PDE10A: variants seen among roughly 807,000 people sequenced by gnomAD.
PDE10A encodes phosphodiesterase 10A, also known as cAMP and cAMP-inhibited cGMP 3',5'-cyclic phosphodiesterase 10A.
Under a neutral mutation model 97.7 loss-of-function variants are expected in PDE10A, and 39 were observed. That is an observed-to-expected ratio of 0.40 (90% CI 0.31 to 0.52). The LOEUF (loss-of-function observed/expected upper bound fraction) is 0.52. Ranked by LOEUF, PDE10A falls within the 20% of genes least tolerant of loss-of-function variation. The pLI, the probability that PDE10A is intolerant of heterozygous loss-of-function variation, is 0.56. For synonymous variants in PDE10A, 371 were observed against 376.8 expected, an observed-to-expected ratio of 0.98 and a Z score of 0.18; for missense variants, 731 against 1,047.8, an observed-to-expected ratio of 0.70 and a Z score of 4.17.
intron 1 of PDE10A, among the ~76,000 whole-genome samples, chr6:165,797,404 G>A (rs12526226): frequency 0.22 from 34,072 of 152,058 alleles, 3,995 homozygotes; most frequent in African/African-American, 0.29. Flanking sequence ...CTACATATAC[G>A]AGTGTGGATT....
At chr6:165,793,752 C>A (rs1423648320) in intron 1 of PDE10A, among the ~76,000 whole-genome samples, 2 of 152,298 alleles carry the variant, frequency 1.3e-5, no homozygotes, top group South Asian at 2.1e-4. Context: ...TTGCCTTCGG[C>A]TTGTAGTTCT....
chr6:165,400,235 C>A (rs1462306898), intron 13 of PDE10A, among the ~76,000 whole-genome samples: 6 of 150,920 alleles, frequency 4.0e-5, no homozygotes, highest in African/African-American at 1.5e-4. Context: ...TATAAAACTT[C>A]TAGAAAAAAA....
At chr6:165,474,731 C>T (rs545356596) in intron 3 of PDE10A, among the ~76,000 whole-genome samples, 22 of 151,910 alleles carry the variant, frequency 1.4e-4, no homozygotes, top group African/African-American at 3.4e-4. Context: ...GGTTCTAATT[C>T]CACTCTTAGT....
At chr6:165,745,913 G>T (rs976915357) in intron 1 of PDE10A, among the ~76,000 whole-genome samples, 1 of 152,234 alleles carries the variant, frequency 6.6e-6, no homozygotes, top group Non-Finnish European at 1.5e-5. Flanking sequence ...CACGATTGGG[G>T]TGTGTGTCAT....
chr6:165,801,388 C>T (rs980522404), intron 1 of PDE10A, among the ~76,000 whole-genome samples: 5 of 152,086 alleles, frequency 3.3e-5, no homozygotes, highest in Non-Finnish European at 7.4e-5. Context: ...CTGCTAAAAA[C>T]ACAAAAATTA....
intron 1 of PDE10A, among the ~76,000 whole-genome samples, chr6:165,882,312 C>G (rs1781504516): frequency 6.6e-6 from 1 of 152,154 alleles, no homozygotes; most frequent in Non-Finnish European, 1.5e-5. Flanking sequence ...TCTGTACTTT[C>G]CTAAACCTGG....
At chr6:165,834,366 A>T (rs1780013363) in intron 1 of PDE10A, among the ~76,000 whole-genome samples, 1 of 152,242 alleles carries the variant, frequency 6.6e-6, no homozygotes, top group Admixed American at 6.5e-5. Context: ...AAGCAAGCAC[A>T]GAGGAGAAAT....
intron 6 of PDE10A, 119 bp downstream of exon 6, chr6:165,435,118 C>T (rs1439147678): frequency 2.0e-6 from 2 of 977,420 alleles, no homozygotes; most frequent in South Asian, 1.7e-5. Flanking sequence ...TGATCTGTAA[C>T]TAGCTTTAAT....
At chr6:165,659,055 C>G (rs893090656) in intron 1 of PDE10A, among the ~76,000 whole-genome samples, 6 of 152,126 alleles carry the variant, frequency 3.9e-5, no homozygotes, top group Admixed American at 6.5e-5. Flanking sequence ...GTAGCTCTTA[C>G]TAAGTGTTGT....
intron 1 of PDE10A, among the ~76,000 whole-genome samples, chr6:165,910,237 C>T (rs190384046): frequency 8.3e-4 from 127 of 152,210 alleles, no homozygotes; most frequent in Admixed American, 1.3e-3. Context: ...CTCAAGAGAG[C>T]GCTAAGGCTT....
intron 1 of PDE10A, among the ~76,000 whole-genome samples, chr6:165,616,643 C>T (rs1377376985): frequency 3.9e-5 from 6 of 152,208 alleles, no homozygotes; most frequent in Admixed American, 2.0e-4. Flanking sequence ...ATTATATATC[C>T]GCTGAGTTTC....
intron 1 of PDE10A, among the ~76,000 whole-genome samples, chr6:165,632,287 A>C (rs540231210): frequency 2.6e-5 from 4 of 152,062 alleles, no homozygotes; most frequent in African/African-American, 9.6e-5. Flanking sequence ...GAAGCCACAG[A>C]AGCCGTCTTG....
At chr6:165,746,183 A>T (rs1792838714) in intron 1 of PDE10A, among the ~76,000 whole-genome samples, 1 of 152,232 alleles carries the variant, frequency 6.6e-6, no homozygotes, top group Non-Finnish European at 1.5e-5. Flanking sequence ...GTAAATGAGA[A>T]AACATTTATG....
chr6:165,702,632 T>A (rs914479848), intron 1 of PDE10A, among the ~76,000 whole-genome samples: 2 of 152,154 alleles, frequency 1.3e-5, no homozygotes, highest in Non-Finnish European at 2.9e-5. Flanking sequence ...CACCTGTGAA[T>A]GTACTAAACT....
intron 2 of PDE10A, among the ~76,000 whole-genome samples, chr6:165,535,435 C>G (rs964446773): frequency 3.3e-5 from 5 of 151,874 alleles, no homozygotes; most frequent in Admixed American, 2.0e-4. Flanking sequence ...TCCATGTGTA[C>G]ATATTATTTA....
At chr6:165,448,280 T>G (rs1042240358) in intron 5 of PDE10A, among the ~76,000 whole-genome samples, 4 of 152,202 alleles carry the variant, frequency 2.6e-5, no homozygotes, top group African/African-American at 9.6e-5. Flanking sequence ...GTATCAAAAA[T>G]CAAATGCCAG....
At chr6:165,644,646 A>C (rs926361807) in intron 1 of PDE10A, among the ~76,000 whole-genome samples, 2 of 152,192 alleles carry the variant, frequency 1.3e-5, no homozygotes, top group Non-Finnish European at 2.9e-5. Flanking sequence ...GTATATTGAA[A>C]CATCACACTG....
intron 2 of PDE10A, among the ~76,000 whole-genome samples, chr6:165,542,612 C>CT (rs545149187): frequency 0.11 from 8,469 of 76,418 alleles, 1,534 homozygotes; most frequent in East Asian, 0.19. Context: ...TGTCCTTGTT[C>CT]TTTTTTTTTT....
intron 5 of PDE10A, among the ~76,000 whole-genome samples, chr6:165,446,325 G>C (rs892042565): frequency 6.6e-6 from 1 of 152,156 alleles, no homozygotes; most frequent in Admixed American, 6.5e-5. Context: ...ATCCCAGATG[G>C]ACGACTTGAG....
Sources: gnomAD v4.1 joint callset for allele counts (sites outside exome capture counted in the v4.1 genomes callset) on GRCh38, gnomAD v4.1.1 for gene constraint, MANE v1.5 for transcripts, NCBI Gene and HGNC (gene_info 2026-07-23, HGNC 2026-07-21) for gene names.